BRD3: variants seen among roughly 807,000 people sequenced by gnomAD.
BRD3 encodes the protein bromodomain containing 3, also known as bromodomain-containing protein 3.
Under a neutral mutation model 66.8 loss-of-function variants are expected in BRD3, and 17 were observed. That is an observed-to-expected ratio of 0.25 (90% CI 0.17 to 0.38). The LOEUF is 0.38. Among genes scored for constraint, BRD3 ranks in the 10% least tolerant of loss-of-function variants. The pLI, the probability that BRD3 is intolerant of heterozygous loss-of-function variation, is 1.00. For synonymous variants in BRD3, 421 were observed against 393.2 expected, an observed-to-expected ratio of 1.07 and a Z score of -0.84; for missense variants, 713 against 956.1, an observed-to-expected ratio of 0.75 and a Z score of 3.35.
At position 134,040,021 on chromosome 9, in the gene BRD3, G is replaced by A; in HGVS notation, c.1643+13C>T. 6.3e-7 allele frequency: 1 copy of A among 1,580,392 alleles called. No individual in the cohort carries two copies. Among genetic ancestry groups the A allele is most frequent in the Non-Finnish European group, 8.6e-7 (1 of 1,166,884 alleles). ...CGCTGGGCTCTTGGAGCCCGAGCAG[G>A]TCTGGAGCCCACCTGCCGGCCGTGG... On this transcript the variant is annotated intron_variant, in intron 9 of 11. Transcript: ENST00000303407.
chr9:134,054,917 A>G (rs12345566), intron 1 of BRD3, among the ~76,000 whole-genome samples: 8,021 of 152,226 alleles, frequency 0.053, 626 homozygotes, highest in African/African-American at 0.17. Context: ...ACTACACGCA[A>G]CACAGCTCAC....
rs1429960494 is a variant in BRD3, at chr9:134,030,808, G to A, written c.*2782C>T. 4.3e-6 allele frequency: 1 copy of A among 231,782 alleles called. No individual in the cohort carries two copies. The highest frequency in any genetic ancestry group is 8.5e-6 in the Non-Finnish European group (1 of 117,236). 14.4% of individuals were successfully genotyped at this position (231,782 alleles called of 1,614,324 possible). On this transcript the variant is annotated 3_prime_UTR_variant, in exon 12 of 12. Transcript: ENST00000303407. ...AAGAGGGGTCTGGAGTTCAGTTCAC[G>A]CCCGAAGCCTGCCCCCTCGGCCTCC...
chr9:134,058,738 G>A (rs1830477213), intron 1 of BRD3: 1 of 152,342 alleles, frequency 6.6e-6, no homozygotes, highest in African/African-American at 2.4e-5. Flanking sequence ...TCAAACTACA[G>A]ACAGCCTTGT....
chr9:134,051,822 G>C (rs1003208247), intron 3 of BRD3, 113 bp from the exon 4 acceptor site: 61 of 1,158,746 alleles, frequency 5.3e-5, no homozygotes, highest in Non-Finnish European at 6.9e-5. Flanking sequence ...AGATTTGGCA[G>C]CGCAGGAGAG....
chr9:134,039,339 T>C (rs1428444373), intron 9 of BRD3, among the ~76,000 whole-genome samples: 1 of 152,194 alleles, frequency 6.6e-6, no homozygotes, highest in Non-Finnish European at 1.5e-5. Flanking sequence ...TCACCTTTTT[T>C]CCCAACTTGT....
chr9:134,050,350 C>T, intron 5 of BRD3, 24 bp downstream of exon 5: 1 of 1,601,150 alleles, frequency 6.2e-7, no homozygotes, highest in South Asian at 1.1e-5. Flanking sequence ...AGGTGCCCCA[C>T]CCATCCGGAC....
chr9:134,034,755 G>A lies in BRD3; in HGVS notation c.2011C>T (p.Arg671Cys), dbSNP rs1843573802. 5 of 1,610,628 alleles carry A rather than the reference G, an allele frequency of 3.1e-6. No homozygotes were observed. Among genetic ancestry groups the A allele is most frequent in the Non-Finnish European group, 4.2e-6 (5 of 1,180,002 alleles). The change falls in exon 11 of 12, where the codon CGT becomes TGT. Residue 671 changes from arginine (R) to cysteine (C), a missense_variant. Physicochemically the swap from Arg to Cys is radical, Grantham distance 180. Transcript: ENST00000303407. ...AGCTGCCCGCTGACATCCTGCAGAC[G>A]CTTTTCCAGCTCCTTCTTCTTTTCC... ...AQEKKKELEK[R>C]LQDVSGQLSS...
intron 10 of BRD3, among the ~76,000 whole-genome samples, chr9:134,035,737 G>A (rs1843595736): frequency 6.6e-6 from 1 of 152,262 alleles, no homozygotes; most frequent in South Asian, 2.1e-4. Flanking sequence ...CAGCCCCAGA[G>A]TCGCGCACTC....
At chr9:134,037,510 G>A (rs1233191553) in intron 9 of BRD3, among the ~76,000 whole-genome samples, 1 of 152,196 alleles carries the variant, frequency 6.6e-6, no homozygotes, top group Non-Finnish European at 1.5e-5. Flanking sequence ...GGCGGAGGTT[G>A]CAGTGAGCCG....
At chr9:134,047,541 C>T (rs867257640) in intron 6 of BRD3, among the ~76,000 whole-genome samples, 4 of 152,302 alleles carry the variant, frequency 2.6e-5, no homozygotes, top group Middle Eastern at 3.4e-3. Context: ...CAGAGGCTGC[C>T]GCCTTGAGAA....
chr9:134,037,204 C>T (rs1829941720), intron 9 of BRD3, among the ~76,000 whole-genome samples: 1 of 152,062 alleles, frequency 6.6e-6, no homozygotes, highest in African/African-American at 2.4e-5. Flanking sequence ...AAACACTAGT[C>T]AAAAGAAAGC....
chr9:134,038,771 A>G (rs1681179452), intron 9 of BRD3, among the ~76,000 whole-genome samples: 2 of 152,194 alleles, frequency 1.3e-5, no homozygotes, highest in South Asian at 4.1e-4. Context: ...GAGATGCTTC[A>G]GTTTTGAGAT....
chr9:134,054,882 C>G (rs1048850534), intron 1 of BRD3, among the ~76,000 whole-genome samples: 1 of 150,224 alleles, frequency 6.7e-6, no homozygotes, highest in Non-Finnish European at 1.5e-5. Flanking sequence ...CCTCCCACCC[C>G]ACCCCAGAGA....
At chr9:134,046,353 G>C (rs1454208698) in intron 6 of BRD3, among the ~76,000 whole-genome samples, 1 of 152,246 alleles carries the variant, frequency 6.6e-6, no homozygotes, top group Non-Finnish European at 1.5e-5. Flanking sequence ...GAGGCACCTT[G>C]TCGGGGACCT....
At position 134,030,344 on chromosome 9, in the gene BRD3, A is replaced by G. The variant is rs1843494127; in HGVS notation, c.*3246T>C. The G allele has an allele frequency of 5.8e-6, 1 of 173,272 alleles. No homozygotes were observed. The highest frequency in any genetic ancestry group is 2.0e-4 in the South Asian group (1 of 4,944). 10.7% of individuals were successfully genotyped at this position (173,272 alleles called of 1,614,324 possible). Reference sequence around the variant, plus strand: ...TTTTTTTGCTTTTTATTATGAAAACAAAACAAATGCCCCAGGAGAAGGGTC... The same window carrying G: ...TTTTTTTGCTTTTTATTATGAAAACGAAACAAATGCCCCAGGAGAAGGGTC... On this transcript the variant is annotated 3_prime_UTR_variant, in exon 12 of 12. Coordinates refer to ENST00000303407, the MANE Select transcript of BRD3 (RefSeq NM_007371.4).
intron 4 of BRD3, 44 bp from the exon 5 acceptor site, chr9:134,050,632 GT>G: frequency 6.5e-7 from 1 of 1,529,364 alleles, no homozygotes; most frequent in Non-Finnish European, 8.9e-7. Flanking sequence ...GGCTCCACTA[GT>G]ATTTCCAGAA....
intron 10 of BRD3, among the ~76,000 whole-genome samples, chr9:134,035,088 C>CA (rs1457475357): frequency 6.6e-6 from 1 of 152,228 alleles, no homozygotes; most frequent in Non-Finnish European, 1.5e-5. Flanking sequence ...CCTAAGGTGA[C>CA]AGAGGCCATT....
rs570475031 is a variant in BRD3 at position 134,066,039 on chromosome 9, A to G, written c.-114+1906T>C. 1.1e-3 allele frequency among the ~76,000 whole-genome samples: 171 copies of G among 152,340 alleles called. 1 individual carries two copies. The highest frequency in any genetic ancestry group is 2.0e-3 in the Non-Finnish European group (137 of 68,032). On this transcript the variant is annotated intron_variant, in intron 1 of 11. Transcript: ENST00000303407. ...CGAAGCAGGCGCGAGCTGTTGTCAA[A>G]GGAAAGTAATTACTCTACTTTCTAA...
rs143395759 is a variant in BRD3 at position 134,065,629 on chromosome 9, C to T, written c.-114+2316G>A. 2.9e-3 allele frequency among the ~76,000 whole-genome samples: 437 copies of T among 152,310 alleles called. 1 individual carries two copies. Among genetic ancestry groups the T allele is most frequent in the African/African-American group, 9.9e-3 (413 of 41,566 alleles). On this transcript the variant is annotated intron_variant, in intron 1 of 11. Transcript: ENST00000303407. ...CAGCAACGCTGGGAAGAGTAGGCCCCGGTTCCCCATACCCCGCCCCGGTAC... is the reference window on the plus strand; with the variant it reads ...CAGCAACGCTGGGAAGAGTAGGCCCTGGTTCCCCATACCCCGCCCCGGTAC...
Sources: gnomAD v4.1 joint callset for allele counts (sites outside exome capture counted in the v4.1 genomes callset) on GRCh38, gnomAD v4.1.1 for gene constraint, MANE v1.5 for transcripts, NCBI Gene and HGNC (gene_info 2026-07-23, HGNC 2026-07-21) for gene names.